Variants in GALNT3 observed in about 807,000 individuals in gnomAD.
GALNT3 encodes polypeptide N-acetylgalactosaminyltransferase 3.
GALNT3 carries 51 observed loss-of-function variants against 69.8 expected under a neutral mutation model. That is an observed-to-expected ratio of 0.73 (90% CI 0.58 to 0.92). The LOEUF (loss-of-function observed/expected upper bound fraction) is 0.92. Ranked by LOEUF, GALNT3 falls within the 40% of genes least tolerant of loss-of-function variation. The pLI is 0.00. For missense variants in GALNT3, 711 were observed against 760.0 expected, an observed-to-expected ratio of 0.94 and a Z score of 0.76; for synonymous variants, 265 against 248.5, an observed-to-expected ratio of 1.07 and a Z score of -0.63.
chr2:165,788,469 GT>G (rs1574019981), intron 1 of GALNT3, among the ~76,000 whole-genome samples: 2 of 120,968 alleles, frequency 1.7e-5, no homozygotes, highest in African/African-American at 3.4e-5. Context: ...CCAAAAGGGT[GT>G]GTGTGTGTGT....
intron 1 of GALNT3, among the ~76,000 whole-genome samples, chr2:165,788,180 T>A (rs1024020531): frequency 2.0e-5 from 3 of 151,546 alleles, no homozygotes; most frequent in African/African-American, 4.9e-5. Flanking sequence ...TACAAAAAAA[T>A]TAGCCAGGCA....
intron 6 of GALNT3, 140 bp from the exon 7 acceptor site, chr2:165,757,387 C>A: frequency 1.2e-6 from 1 of 803,562 alleles, no homozygotes; most frequent in African/African-American, 1.7e-5. Context: ...TGTCCCCTGC[C>A]ATTTCAACTT....
chr2:165,772,584 C>CAAAAAA lies in GALNT3; in HGVS notation c.-108-1782_-108-1777dup, dbSNP rs375725339. Among the ~76,000 whole-genome samples, 8 of 66,968 alleles carry CAAAAAA rather than the reference C, an allele frequency of 1.2e-4. 1 individual carries two copies. The highest frequency in any genetic ancestry group is 1.1e-3 in the East Asian group (2 of 1,892). The allele number at this position is 66,968 out of a possible 152,430, so 43.9% of individuals were successfully genotyped here. ...TGGGTAGCAGGACAAGACTCTGTCT[C>CAAAAAA]AAAAAAAAAAAAAAAAAAAAAAAAA... On this transcript the variant is annotated intron_variant, in intron 1 of 10. Coordinates refer to ENST00000392701, the MANE Select transcript of GALNT3 (RefSeq NM_004482.4).
chr2:165,782,410 CATA>C (rs1683128599), intron 1 of GALNT3, among the ~76,000 whole-genome samples: 2 of 150,948 alleles, frequency 1.3e-5, no homozygotes, highest in African/African-American at 4.9e-5. Flanking sequence ...AAAAAAATCT[CATA>C]ATGTTTTAAG....
chr2:165,785,055 G>A (rs868469965), intron 1 of GALNT3, among the ~76,000 whole-genome samples: 2 of 151,888 alleles, frequency 1.3e-5, no homozygotes, highest in East Asian at 3.9e-4. Flanking sequence ...GCTTACTACT[G>A]TAGTCTCTAT....
At position 165,788,466 on chromosome 2, in the gene GALNT3, G is replaced by GGTGTGTGTGTGTGT. The variant is rs148293638; in HGVS notation, c.-109+5535_-109+5548dup. Among the ~76,000 whole-genome samples the GGTGTGTGTGTGTGT allele has an allele frequency of 6.4e-5, 9 of 139,602 alleles. No individual in the cohort carries two copies. The South Asian group carries it at 7.1e-4, about 11-fold the overall frequency. 91.6% of individuals were successfully genotyped at this position (139,602 alleles called of 152,430 possible). On this transcript the variant is annotated intron_variant, in intron 1 of 10. Coordinates refer to ENST00000392701, the MANE Select transcript of GALNT3 (RefSeq NM_004482.4). ...GCATGTTTTGCAAATAATCCAAAAG[G>GGTGTGTGTGTGTGT]GTGTGTGTGTGTGTGTGTGTGTGTG...
chr2:165,786,097 G>C (rs1237154709), intron 1 of GALNT3, among the ~76,000 whole-genome samples: 1 of 152,172 alleles, frequency 6.6e-6, no homozygotes, highest in Non-Finnish European at 1.5e-5. Flanking sequence ...TATGTTGGGA[G>C]GTCAAGGAGG....
At chr2:165,790,366 T>A (rs1683318218) in intron 1 of GALNT3, among the ~76,000 whole-genome samples, 1 of 152,224 alleles carries the variant, frequency 6.6e-6, no homozygotes, top group Non-Finnish European at 1.5e-5. Flanking sequence ...CTGCTGGAAT[T>A]GATTTGAATT....
At chr2:165,758,395 T>C (rs918507579) in intron 6 of GALNT3, among the ~76,000 whole-genome samples, 6 of 152,186 alleles carry the variant, frequency 3.9e-5, no homozygotes, top group Admixed American at 3.9e-4. Flanking sequence ...TTTAAAATTA[T>C]TCATAAATGT....
chr2:165,761,385 T>C (rs1031841112), intron 4 of GALNT3, among the ~76,000 whole-genome samples: 5 of 152,126 alleles, frequency 3.3e-5, no homozygotes, highest in Admixed American at 2.0e-4. Flanking sequence ...CTAATTTTTG[T>C]ATTTTTAGTA....
chr2:165,767,016 G>A (rs1287699825), intron 2 of GALNT3, among the ~76,000 whole-genome samples: 2 of 151,834 alleles, frequency 1.3e-5, no homozygotes, highest in East Asian at 1.9e-4. Flanking sequence ...GTGCATGGGC[G>A]GAAAAAATAA....
At chr2:165,762,152 T>G in intron 3 of GALNT3, 98 bp from the exon 4 acceptor site, 2 of 921,012 alleles carry the variant, frequency 2.2e-6, no homozygotes, top group Non-Finnish European at 3.4e-6. Flanking sequence ...TCCTTCCAAA[T>G]TCATAATCTT....
In GALNT3 at chr2:165,757,055, C is replaced by A. The variant is rs373760885; in HGVS notation, c.1384G>T (p.Val462Phe). The A allele has an allele frequency of 1.9e-6, 3 of 1,612,458 alleles. No individual in the cohort carries two copies. The highest frequency in any genetic ancestry group is 2.5e-6 in the Non-Finnish European group (3 of 1,178,670). Reference protein sequence around the residue: ...YRRNTDAAKIVKQKAFGDLSK... With the variant: ...YRRNTDAAKIFKQKAFGDLSK... ...ACTTAGCTTTAACTTACTTGTTTAA[C>A]AATTTTTGCTGCATCTGTATTTCTC... The change falls in exon 7 of 11, where the codon GTT (valine) becomes TTT (phenylalanine). Residue 462 changes from valine to phenylalanine, a missense_variant. Physicochemically the swap from Val to Phe is conservative, Grantham distance 50. Transcript: ENST00000392701.
Position 165,770,814 on chromosome 2 carries a change from A to G in GALNT3, c.-108-6T>C. ...GGTATCTTTAATGGTAGTACCTATA[A>G]ACAGAAATGATCGATGGTATTAGTA... On this transcript the variant is annotated splice_region_variant and splice_polypyrimidine_tract_variant and intron_variant, in intron 1 of 10. Transcript: ENST00000392701. 2.6e-6 allele frequency: 3 copies of G among 1,162,958 alleles called. No homozygotes were observed. In the South Asian group the frequency reaches 4.2e-5, roughly 16 times the overall value. The allele number at this position is 1,162,958 out of a possible 1,614,324, so 72.0% of individuals were successfully genotyped here.
At chr2:165,757,281 T>A in intron 6 of GALNT3, 34 bp from the exon 7 acceptor site, 1 of 1,598,120 alleles carries the variant, frequency 6.3e-7, no homozygotes, top group Non-Finnish European at 8.6e-7. Flanking sequence ...AAATTTACAG[T>A]ATTTTAGAAA....
In GALNT3 at chr2:165,759,382, G is replaced by A. The variant is rs760348563; in HGVS notation, c.1027C>T (p.Pro343Ser). ...TTCCTTCTTTGCTTCTCATGATCAG[G>A]AAGCGACTCCCAGCCAAATGAAAGA... ...WSLSFGWESL[P>S]DHEKQRRKDE... The change falls in exon 5 of 11, where the codon CCT (proline) becomes TCT (serine). Residue 343 changes from proline (P) to serine (S), a missense_variant. Physicochemically the swap from Pro to Ser is moderately conservative, Grantham distance 74 (BLOSUM62 -1). Transcript: ENST00000392701. 1 of 1,613,054 alleles carries A rather than the reference G, an allele frequency of 6.2e-7. No individual in the cohort carries two copies. Among genetic ancestry groups the A allele is most frequent in the Admixed American group, 1.7e-5 (1 of 59,956 alleles).
chr2:165,761,643 C>T (rs1688550330), intron 4 of GALNT3: 3 of 611,198 alleles, frequency 4.9e-6, no homozygotes, highest in Admixed American at 2.9e-5. Context: ...GCAAGGATAA[C>T]TGGCTGGAAC....
chr2:165,790,679 T>G (rs1283370018), intron 1 of GALNT3, among the ~76,000 whole-genome samples: 1 of 152,090 alleles, frequency 6.6e-6, no homozygotes, highest in Non-Finnish European at 1.5e-5. Context: ...AGGTTAAAAT[T>G]GAAAGTGTCT....
chr2:165,790,392 G>A (rs552775604), intron 1 of GALNT3, among the ~76,000 whole-genome samples: 2 of 152,180 alleles, frequency 1.3e-5, no homozygotes, highest in South Asian at 4.1e-4. Flanking sequence ...TTCCCCCTTA[G>A]TGTACATGAG....
Sources: gnomAD v4.1 joint callset for allele counts (sites outside exome capture counted in the v4.1 genomes callset) on GRCh38, gnomAD v4.1.1 for gene constraint, MANE v1.5 for transcripts, NCBI Gene and HGNC (gene_info 2026-07-23, HGNC 2026-07-21) for gene names.